Variants in RAPGEF2 observed in about 807,000 individuals in gnomAD.
The protein encoded by RAPGEF2 is PDZ domain containing guanine nucleotide exchange factor (GEF) 1.
In RAPGEF2, 54 loss-of-function variants were observed where a neutral mutation model predicts 186.7. The ratio of observed to expected loss-of-function variants is 0.29; its 90% confidence interval spans 0.23 to 0.36. The LOEUF (loss-of-function observed/expected upper bound fraction) is 0.36. Among genes scored for constraint, RAPGEF2 ranks in the 10% least tolerant of loss-of-function variants. The probability of loss-of-function intolerance (pLI) is 1.00; values close to 1 mark genes in which losing one functional copy is unlikely to be tolerated. For synonymous variants in RAPGEF2, 712 were observed against 705.9 expected (o/e 1.01, Z -0.14); for missense variants, 1,532 against 2,045.0 (o/e 0.75, Z 4.84).
At chr4:159,180,754 A>G (rs558351338) in intron 1 of RAPGEF2, among the ~76,000 whole-genome samples, 1 of 152,354 alleles carries the variant, frequency 6.6e-6, no homozygotes, top group East Asian at 1.9e-4. Flanking sequence ...TTATATGGAT[A>G]TGAATGTTTT....
chr4:159,262,506 G>A (rs1756986793), intron 7 of RAPGEF2, among the ~76,000 whole-genome samples: 1 of 152,222 alleles, frequency 6.6e-6, no homozygotes, highest in Non-Finnish European at 1.5e-5. Context: ...AGGTTTGTAA[G>A]TGAAGTCTGG....
intron 3 of RAPGEF2, among the ~76,000 whole-genome samples, chr4:159,201,697 G>A (rs1749434096): frequency 6.6e-6 from 1 of 152,214 alleles, no homozygotes; most frequent in South Asian, 2.1e-4. Flanking sequence ...TGTGATGATA[G>A]GCTGTGAAGA....
rs556141320 is a variant in RAPGEF2 at position 159,319,455 on chromosome 4, G to A, written c.854-2892G>A. Among the ~76,000 whole-genome samples the A allele has an allele frequency of 1.9e-3, 287 of 151,710 alleles. 1 individual carries two copies. Among genetic ancestry groups the A allele is most frequent in the Non-Finnish European group, 3.1e-3 (210 of 67,944 alleles). ...CAAGAGTGGAAAAATTGTCTTTCAC[G>A]AAACCTGCCCCTGGTGCCAAAAAGG... On this transcript the variant is annotated intron_variant, in intron 9 of 29. Transcript: ENST00000691494.
intron 4 of RAPGEF2, among the ~76,000 whole-genome samples, chr4:159,212,781 TG>T (rs1382670948): frequency 2.0e-5 from 3 of 152,210 alleles, no homozygotes; most frequent in Non-Finnish European, 2.9e-5. Flanking sequence ...ATACAGGGTC[TG>T]TTGTACAAAC....
At chr4:159,199,252 A>G (rs1043030871) in intron 3 of RAPGEF2, among the ~76,000 whole-genome samples, 1 of 152,190 alleles carries the variant, frequency 6.6e-6, no homozygotes, top group Non-Finnish European at 1.5e-5. Flanking sequence ...TTTTATGTAC[A>G]TACGGAGATC....
At chr4:159,321,229 C>G (rs1025326590) in intron 9 of RAPGEF2, among the ~76,000 whole-genome samples, 6 of 144,132 alleles carry the variant, frequency 4.2e-5, no homozygotes, top group Admixed American at 1.4e-4. Flanking sequence ...TTTTAAGAGA[C>G]AGAGTCTCAC....
chr4:159,329,777 A>T, intron 11 of RAPGEF2, 81 bp from the exon 12 acceptor site: 2 of 1,194,994 alleles, frequency 1.7e-6, no homozygotes, highest in Non-Finnish European at 2.3e-6. Flanking sequence ...AGTTTTAAAT[A>T]ATTAAAACAC....
chr4:159,211,539 G>A (rs1286567125), intron 4 of RAPGEF2, among the ~76,000 whole-genome samples: 1 of 152,118 alleles, frequency 6.6e-6, no homozygotes, highest in Non-Finnish European at 1.5e-5. Context: ...TTCTGACTGG[G>A]TCAGGGTCAT....
chr4:159,140,922 C>T (rs1245433352), intron 1 of RAPGEF2, among the ~76,000 whole-genome samples: 1 of 151,830 alleles, frequency 6.6e-6, no homozygotes, highest in African/African-American at 2.4e-5. Flanking sequence ...ACCTCTGCCT[C>T]CTTGGTTCAA....
intron 1 of RAPGEF2, among the ~76,000 whole-genome samples, chr4:159,175,027 C>G (rs546126727): frequency 2.0e-5 from 3 of 152,272 alleles, no homozygotes; most frequent in East Asian, 3.9e-4. Context: ...TATGGCTGCA[C>G]TCAGCCATAC....
At chr4:159,198,261 T>TTC (rs1234035547) in intron 3 of RAPGEF2, among the ~76,000 whole-genome samples, 8 of 72,258 alleles carry the variant, frequency 1.1e-4, no homozygotes, top group South Asian at 4.3e-4. Flanking sequence ...TCTTTCTTTC[T>TTC]CTTTCTTTCC....
intron 1 of RAPGEF2, among the ~76,000 whole-genome samples, chr4:159,179,908 G>C (rs1426821196): frequency 6.6e-6 from 1 of 152,180 alleles, no homozygotes; most frequent in East Asian, 1.9e-4. Flanking sequence ...AATGCCGACA[G>C]ACAGTTCATG....
chr4:159,306,480 G>A (rs1763317176), intron 8 of RAPGEF2, among the ~76,000 whole-genome samples: 1 of 152,028 alleles, frequency 6.6e-6, no homozygotes, highest in African/African-American at 2.4e-5. Flanking sequence ...TATTGATTTT[G>A]CATTCTGAAA....
At chr4:159,133,091 A>G (rs975773415) in intron 1 of RAPGEF2, among the ~76,000 whole-genome samples, 1 of 152,138 alleles carries the variant, frequency 6.6e-6, no homozygotes, top group Non-Finnish European at 1.5e-5. Context: ...ATATCTACAT[A>G]CATATCTGCC....
rs538119617 is a variant in RAPGEF2 at position 159,129,681 on chromosome 4, A to G, written c.69+25450A>G. On this transcript the variant is annotated intron_variant, in intron 1 of 29. Transcript: ENST00000691494. Reference sequence around the variant, plus strand: ...ATAATAAGAGCAGGTGTAAATGTCTATGTTGTTGTTAATAAAGACTTTTAC... The same window carrying G: ...ATAATAAGAGCAGGTGTAAATGTCTGTGTTGTTGTTAATAAAGACTTTTAC... 2.0e-5 allele frequency among the ~76,000 whole-genome samples: 3 copies of G among 152,262 alleles called. No homozygotes were observed. In the East Asian group the frequency reaches 5.8e-4, roughly 29 times the overall value.
At chr4:159,314,100 A>G (rs746509148) in intron 8 of RAPGEF2, among the ~76,000 whole-genome samples, 7 of 152,180 alleles carry the variant, frequency 4.6e-5, no homozygotes, top group Non-Finnish European at 8.8e-5. Flanking sequence ...ACTAATTGTT[A>G]ATGTTTCGTT....
chr4:159,267,791 C>CTT (rs200359653), intron 7 of RAPGEF2: 119 of 913,320 alleles, frequency 1.3e-4, no homozygotes, highest in African/African-American at 8.8e-4. Flanking sequence ...TAGCTTTTTT[C>CTT]TTTTTTTTTT....
intron 1 of RAPGEF2, among the ~76,000 whole-genome samples, chr4:159,173,178 A>C (rs188275271): frequency 6.6e-6 from 1 of 152,200 alleles, no homozygotes; most frequent in Non-Finnish European, 1.5e-5. Context: ...AACAGATGTC[A>C]AATTATTTTT....
At chr4:159,255,717 C>G (rs375105031) in intron 7 of RAPGEF2, among the ~76,000 whole-genome samples, 2 of 151,990 alleles carry the variant, frequency 1.3e-5, no homozygotes, top group South Asian at 2.1e-4. Flanking sequence ...TAAATAGTCT[C>G]ATTTTCTTCC....
Sources: allele counts gnomAD v4.1 joint callset (sites outside exome capture counted in the v4.1 genomes callset), GRCh38; gene constraint gnomAD v4.1.1; transcripts MANE v1.5; gene names NCBI Gene and HGNC (gene_info 2026-07-23, HGNC 2026-07-21).